Variants in MTREX observed in about 807,000 individuals in gnomAD.
MTREX encodes Mtr4 exosome RNA helicase, also known as exosome RNA helicase MTR4.
A neutral mutation model predicts 135.4 loss-of-function variants in MTREX; 76 were observed. The observed-to-expected ratio is 0.56, with a 90% CI of 0.47 to 0.68. MTREX has a LOEUF of 0.68. Ranked by LOEUF, MTREX falls within the 30% of genes least tolerant of loss-of-function variation. The pLI is 0.00. For synonymous variants in MTREX, 404 were observed against 401.6 expected (o/e 1.01, Z -0.07); for missense variants, 920 against 1,262.1 (o/e 0.73, Z 4.11).
At chr5:55,341,293 A>G (rs1452218368) in intron 6 of MTREX, among the ~76,000 whole-genome samples, 4 of 152,216 alleles carry the variant, frequency 2.6e-5, no homozygotes, top group Admixed American at 1.3e-4. Context: ...TGAATAGAGG[A>G]TAATTTAAGT....
intron 21 of MTREX, 100 bp downstream of exon 21, chr5:55,400,521 C>G: frequency 2.7e-6 from 2 of 736,930 alleles, no homozygotes; most frequent in Non-Finnish European, 4.2e-6. Flanking sequence ...TTGGCTAAAA[C>G]AGGAAAATGT....
chr5:55,317,322 G>C (rs1420801879), intron 1 of MTREX, among the ~76,000 whole-genome samples: 1 of 151,982 alleles, frequency 6.6e-6, no homozygotes, highest in African/African-American at 2.4e-5. Context: ...AAATAGCCAA[G>C]GCAGTCCTAA....
intron 3 of MTREX, among the ~76,000 whole-genome samples, chr5:55,326,162 C>T (rs1208799386): frequency 1.3e-5 from 2 of 151,946 alleles, no homozygotes; most frequent in Non-Finnish European, 2.9e-5. Flanking sequence ...TTTGGGAGGG[C>T]GAGGCAGGCG....
intron 6 of MTREX, 85 bp from the exon 7 acceptor site, chr5:55,341,596 T>C: frequency 1.7e-6 from 1 of 606,018 alleles, no homozygotes; most frequent in Non-Finnish European, 2.9e-6. Context: ...TATCCAAAAT[T>C]CCTTGTTGGA....
At chr5:55,319,366 G>A (rs1188674039) in intron 1 of MTREX, among the ~76,000 whole-genome samples, 1 of 152,152 alleles carries the variant, frequency 6.6e-6, no homozygotes, top group African/African-American at 2.4e-5. Flanking sequence ...ATATGTACTA[G>A]TCTTTGAATT....
At chr5:55,360,190 C>G (rs984474646) in intron 15 of MTREX, among the ~76,000 whole-genome samples, 3 of 152,166 alleles carry the variant, frequency 2.0e-5, no homozygotes, top group African/African-American at 7.2e-5. Flanking sequence ...TATAAACAGA[C>G]TCGTATAATG....
intron 10 of MTREX, among the ~76,000 whole-genome samples, chr5:55,345,571 G>T (rs909126755): frequency 6.6e-6 from 1 of 151,590 alleles, no homozygotes. Flanking sequence ...GCCTGTTTTC[G>T]ATCTCTGTGG....
chr5:55,401,167 T>A (rs1750718401), intron 21 of MTREX, among the ~76,000 whole-genome samples: 1 of 152,136 alleles, frequency 6.6e-6, no homozygotes. Context: ...CCCTAGTAGC[T>A]GGGATTACAG....
At chr5:55,374,820 A>G (rs1750267228) in intron 16 of MTREX, among the ~76,000 whole-genome samples, 1 of 152,210 alleles carries the variant, frequency 6.6e-6, no homozygotes. Context: ...CCGAAAACCA[A>G]TACAACTATT....
chr5:55,316,057 A>G (rs1313370963), intron 1 of MTREX, among the ~76,000 whole-genome samples: 1 of 152,168 alleles, frequency 6.6e-6, no homozygotes, highest in Non-Finnish European at 1.5e-5. Flanking sequence ...AAATTCTTGG[A>G]CACATACACC....
rs1179821332 is a variant in MTREX at position 55,425,151 on chromosome 5, G to GCAAT, written c.*382_*385dup. 24 of 1,572,506 alleles carry GCAAT rather than the reference G, an allele frequency of 1.5e-5. No individual in the cohort carries two copies. Among genetic ancestry groups the GCAAT allele is most frequent in the Admixed American group, 4.0e-5 (2 of 50,366 alleles). ...GAAAGATGCATCCTCTTGCCTTGTG[G>GCAAT]CAATCATTTTCCTTTAGAAAACAGG... On this transcript the variant is annotated 3_prime_UTR_variant, in exon 27 of 27. Transcript: ENST00000230640.
Position 55,384,057 on chromosome 5 carries a change from C to T in MTREX, c.2053-3917C>T, listed in dbSNP as rs147436515. Among the ~76,000 whole-genome samples, 12 of 152,342 alleles carry T rather than the reference C, an allele frequency of 7.9e-5. No individual in the cohort carries two copies. In the East Asian group the frequency reaches 2.3e-3, roughly 29 times the overall value. ...AAGTCCTGGGATTACATTTGTGAAC[C>T]ACTGTGCCCAGGCCATTATTTCTTT... On this transcript the variant is annotated intron_variant, in intron 18 of 26. Coordinates refer to ENST00000230640, the MANE Select transcript of MTREX (RefSeq NM_015360.5).
Position 55,400,385 on chromosome 5 carries a change from G to C in MTREX, c.2445G>C (p.Leu815Phe), listed in dbSNP as rs1750705983. 6.2e-7 allele frequency: 1 copy of C among 1,610,470 alleles called. No individual in the cohort carries two copies. The highest frequency in any genetic ancestry group is 1.3e-5 in the African/African-American group (1 of 74,666). Residue 815 changes from leucine to phenylalanine, a missense_variant, in exon 21 of 27, where the codon TTG becomes TTC. Physicochemically the swap from Leu to Phe is conservative, Grantham distance 22 (BLOSUM62 0). This residue lies in a region of MTREX where 467 missense variants were observed against 589.7 expected (regional missense o/e 0.79). Transcript: ENST00000230640. ...YSHPLHNDPN[L>F]ETVYTLCEKK... is the part of the protein sequence containing the mutation. The stretch of plus-strand genomic sequence containing the variant: ...ATCCACTTCACAATGATCCAAATTT[G>C]GAAACTGTGTATACGCTTTGTGAAA...
intron 1 of MTREX, among the ~76,000 whole-genome samples, chr5:55,310,469 C>A (rs935839435): frequency 1.3e-5 from 2 of 152,062 alleles, no homozygotes; most frequent in South Asian, 4.1e-4. Context: ...TTAGCCATGC[C>A]TGGTGGCAGG....
chr5:55,308,300 G>T (rs1033238879), intron 1 of MTREX, among the ~76,000 whole-genome samples, 153 bp downstream of exon 1: 1 of 152,008 alleles, frequency 6.6e-6, no homozygotes, highest in Admixed American at 6.6e-5. Context: ...GAGGGTGGAA[G>T]AATGTTGGTT....
intron 7 of MTREX, among the ~76,000 whole-genome samples, chr5:55,342,519 C>T (rs890719582): frequency 7.9e-5 from 12 of 152,102 alleles, no homozygotes; most frequent in Non-Finnish European, 1.8e-4. Context: ...TACAAATGCC[C>T]CTTACTTAGG....
intron 19 of MTREX, among the ~76,000 whole-genome samples, chr5:55,389,156 ATTT>A (rs1750525788): frequency 6.6e-6 from 1 of 152,038 alleles, no homozygotes; most frequent in Non-Finnish European, 1.5e-5. Context: ...AACTTGTGTG[ATTT>A]TTATTTTTTT....
At chr5:55,371,605 G>C (rs111651528) in intron 16 of MTREX, among the ~76,000 whole-genome samples, 1,537 of 152,256 alleles carry the variant, frequency 0.01, 17 homozygotes, top group Middle Eastern at 0.031. Context: ...TCAACTGTCT[G>C]ATTGGGGTGG....
At chr5:55,405,112 A>G (rs1282111008) in intron 21 of MTREX, 4 of 182,876 alleles carry the variant, frequency 2.2e-5, no homozygotes, top group Admixed American at 1.2e-4. Flanking sequence ...TCTCTGTCTC[A>G]AGCTTTTTAC....
Sources: allele counts gnomAD v4.1 joint callset (sites outside exome capture counted in the v4.1 genomes callset), GRCh38; gene constraint gnomAD v4.1.1; regional missense constraint gnomAD v4.1.1; transcripts MANE v1.5; gene names NCBI Gene and HGNC (gene_info 2026-07-23, HGNC 2026-07-21).